The following ATP9B variants were observed in gnomAD, a reference collection of about 807,000 sequenced individuals.
ATP9B encodes the protein ATPase phospholipid transporting 9B.
ATP9B carries 110 observed loss-of-function variants against 146.1 expected under a neutral mutation model. That is an observed-to-expected ratio of 0.75 (90% CI 0.65 to 0.88). The LOEUF (loss-of-function observed/expected upper bound fraction) is 0.88, where lower values mean the gene tolerates loss of function less well. Among genes scored for constraint, ATP9B ranks in the 40% least tolerant of loss-of-function variants. ATP9B has a pLI of 0.00. For synonymous variants in ATP9B, 604 were observed against 569.7 expected (o/e 1.06, Z -0.86); for missense variants, 1,499 against 1,496.4 (o/e 1.00, Z -0.03).
intron 8 of ATP9B, among the ~76,000 whole-genome samples, chr18:79,184,823 C>T (rs2095289927): frequency 6.6e-6 from 1 of 152,130 alleles, no homozygotes; most frequent in Non-Finnish European, 1.5e-5. Context: ...CCTCTGCATC[C>T]TCCTCCTGAA....
chr18:79,246,314 A>T (rs1331439027), intron 11 of ATP9B, among the ~76,000 whole-genome samples: 2 of 120,418 alleles, frequency 1.7e-5, no homozygotes, highest in African/African-American at 6.7e-5. Context: ...CGCCCTACTG[A>T]CTGAGGAGGG....
At position 79,336,650 on chromosome 18, in the gene ATP9B, G is replaced by A. The variant is rs1281862192; in HGVS notation, c.2051G>A (p.Gly684Glu). ...EEECGNMARE[G>E]LRTLVVAKKA... ...CAGTGCGGAAACATGGCTCGCGAAG[G>A]ACTGCGGACCCTCGTGGTTGCAAAG... is the stretch of plus-strand genomic sequence containing the variant. The change falls in exon 18 of 30, where the codon GGA becomes GAA. Residue 684 changes from glycine (G) to glutamate (E), a missense_variant. By Grantham distance (98) the Gly-to-Glu change is moderately conservative. Coordinates refer to ENST00000426216, the MANE Select transcript of ATP9B (RefSeq NM_198531.5). 3.1e-6 allele frequency: 5 copies of A among 1,610,964 alleles called. No homozygotes were observed. Among genetic ancestry groups the A allele is most frequent in the Non-Finnish European group, 4.2e-6 (5 of 1,178,714 alleles).
At chr18:79,293,055 G>A (rs1218169172) in intron 13 of ATP9B, among the ~76,000 whole-genome samples, 5 of 151,416 alleles carry the variant, frequency 3.3e-5, no homozygotes, top group African/African-American at 9.7e-5. Flanking sequence ...AAACACTTAC[G>A]GTCATTGGGT....
chr18:79,214,002 T>C lies in ATP9B; in HGVS notation c.1071T>C (p.Thr357=). The stretch of plus-strand genomic sequence containing the variant: ...TTGTCATTTATACCGGAAAAGAGAC[T>C]CGAAGTGTAATGAACACATCCAATC... ...IGVVIYTGKE[T]RSVMNTSNPK... The change falls in exon 11 of 30, where the codon ACT becomes ACC. Residue 357 remains threonine, a synonymous_variant. Coordinates refer to ENST00000426216, the MANE Select transcript of ATP9B (RefSeq NM_198531.5). 2.5e-6 allele frequency: 4 copies of C among 1,607,054 alleles called. No individual in the cohort carries two copies. The highest frequency in any genetic ancestry group is 3.4e-6 in the Non-Finnish European group (4 of 1,177,886).
intron 10 of ATP9B, chr18:79,209,845 A>C (rs949202491): frequency 5.2e-5 from 10 of 192,518 alleles, no homozygotes; most frequent in Non-Finnish European, 9.5e-5. Context: ...CATTCTATAT[A>C]CCACACTGCT....
chr18:79,361,630 C>A, intron 26 of ATP9B: 1 of 276,646 alleles, frequency 3.6e-6, no homozygotes, highest in Non-Finnish European at 5.5e-6. Flanking sequence ...ACTTCAAATT[C>A]TTTGAAAAGA....
intron 26 of ATP9B, among the ~76,000 whole-genome samples, chr18:79,369,022 T>C (rs116956074): frequency 0.018 from 2,742 of 152,210 alleles, 37 homozygotes; most frequent in Middle Eastern, 0.034. Context: ...TTGATATGCT[T>C]TGACTGCACT....
intron 21 of ATP9B, 64 bp downstream of exon 21, chr18:79,344,418 CTGAG>C: frequency 1.4e-6 from 2 of 1,456,192 alleles, no homozygotes; most frequent in South Asian, 2.3e-5. Flanking sequence ...TGGTCCCTGG[CTGAG>C]TGTCTGTTTG....
chr18:79,334,779 G>A (rs1374774577), intron 17 of ATP9B, among the ~76,000 whole-genome samples: 2 of 146,060 alleles, frequency 1.4e-5, no homozygotes, highest in South Asian at 2.3e-4. Flanking sequence ...CTGCCCAGAC[G>A]CCCACCCCCC....
At position 79,344,352 on chromosome 18, in the gene ATP9B, G is replaced by C; in HGVS notation, c.2470G>C (p.Glu824Gln). 6.2e-7 allele frequency: 1 copy of C among 1,614,118 alleles called. No individual in the cohort carries two copies. Among genetic ancestry groups the C allele is most frequent in the Non-Finnish European group, 8.5e-7 (1 of 1,179,964 alleles). ...ACTAGTCATATCTGGGGACTCTCTGGAGGTAAGGCTGGACCCTGAGTGAGT... is the reference window on the plus strand; with the variant it reads ...ACTAGTCATATCTGGGGACTCTCTGCAGGTAAGGCTGGACCCTGAGTGAGT... ...CALVISGDSLEVCLKYYEHEF... is the reference protein window; with the variant it reads ...CALVISGDSLQVCLKYYEHEF... The change falls in exon 21 of 30, where the codon GAG (glutamate) becomes CAG (glutamine). Residue 824 changes from glutamate to glutamine, a missense_variant and splice_region_variant. Glu to Gln is a conservative substitution (Grantham distance 29). Coordinates refer to ENST00000426216, the MANE Select transcript of ATP9B (RefSeq NM_198531.5).
chr18:79,069,798 T>G (rs2071501469), intron 1 of ATP9B, among the ~76,000 whole-genome samples: 1 of 152,186 alleles, frequency 6.6e-6, no homozygotes. Flanking sequence ...AGAACCGCGG[T>G]CCAGTGTTGA....
At chr18:79,319,395 G>A (rs2096702371) in intron 15 of ATP9B, among the ~76,000 whole-genome samples, 1 of 151,930 alleles carries the variant, frequency 6.6e-6, no homozygotes, top group Non-Finnish European at 1.5e-5. Context: ...TGAGTGAATA[G>A]AGGAGGGGCC....
chr18:79,293,060 T>C (rs537610247), intron 13 of ATP9B, among the ~76,000 whole-genome samples: 43 of 151,602 alleles, frequency 2.8e-4, no homozygotes, highest in African/African-American at 8.7e-4. Context: ...CTTACGGTCA[T>C]TGGGTTTTCA....
Position 79,125,730 on chromosome 18 carries a change from G to A in ATP9B, c.559-537G>A, listed in dbSNP as rs983666797. Among the ~76,000 whole-genome samples, 4 of 152,070 alleles carry A rather than the reference G, an allele frequency of 2.6e-5. 1 individual carries two copies. Among genetic ancestry groups the A allele is most frequent in the African/African-American group, 7.2e-5 (3 of 41,398 alleles). On this transcript the variant is annotated intron_variant, in intron 4 of 29. Transcript: ENST00000426216. ...TCTAGCTAGCATCATATTAATACAG[G>A]CAGATTTTTACTTAAAAAGTGAGAT...
rs557061066 is a variant in ATP9B at position 79,264,402 on chromosome 18, T to C, written c.1268+10861T>C. On this transcript the variant is annotated intron_variant, in intron 12 of 29. Transcript: ENST00000426216. ...GTGTTCTGAGCAGCTTGCAGTTATT[T>C]ATATATTTTAGATGCCAAGGCTTTC... Among the ~76,000 whole-genome samples the C allele has an allele frequency of 4.6e-5, 7 of 152,364 alleles. No homozygotes were observed. The East Asian group carries it at 1.3e-3, about 29-fold the overall frequency.
At chr18:79,224,867 A>G (rs1011455615) in intron 11 of ATP9B, among the ~76,000 whole-genome samples, 18 of 152,084 alleles carry the variant, frequency 1.2e-4, no homozygotes, top group African/African-American at 4.1e-4. Flanking sequence ...GGCTGCAGCT[A>G]GGAAACACCA....
intron 4 of ATP9B, among the ~76,000 whole-genome samples, chr18:79,118,844 A>C (rs1389568972): frequency 6.6e-6 from 1 of 152,090 alleles, no homozygotes; most frequent in Non-Finnish European, 1.5e-5. Flanking sequence ...CCAAGGCGGC[A>C]GGATATCTTG....
intron 7 of ATP9B, among the ~76,000 whole-genome samples, chr18:79,167,394 G>T (rs7230375): frequency 6.6e-6 from 1 of 152,046 alleles, no homozygotes; most frequent in East Asian, 1.9e-4. Context: ...AGGTGGTCCC[G>T]ATGATTGCAG....
chr18:79,200,763 G>A (rs75727842), intron 9 of ATP9B, among the ~76,000 whole-genome samples: 51 of 540 alleles, frequency 0.094, no homozygotes, highest in African/African-American at 0.12. Context: ...AGGTGGGAAC[G>A]TTGGGGTCAG....
Sources: gnomAD v4.1 joint callset for allele counts (sites outside exome capture counted in the v4.1 genomes callset) on GRCh38, gnomAD v4.1.1 for gene constraint, MANE v1.5 for transcripts, NCBI Gene and HGNC (gene_info 2026-07-23, HGNC 2026-07-21) for gene names.